LRRC7: variants seen among roughly 807,000 people sequenced by gnomAD.
LRRC7 encodes leucine-rich repeat-containing protein 7.
LRRC7 carries 23 observed loss-of-function variants against 175.7 expected under a neutral mutation model. The ratio of observed to expected loss-of-function variants is 0.13; its 90% CI spans 0.09 to 0.19. The LOEUF (loss-of-function observed/expected upper bound fraction) is 0.19. Among genes scored for constraint, LRRC7 ranks in the 10% least tolerant of loss-of-function variants. The probability of loss-of-function intolerance (pLI) is 1.00; values close to 1 mark genes in which losing one functional copy is unlikely to be tolerated. For missense variants in LRRC7, 1,354 were observed against 1,904.7 expected (o/e 0.71, Z 5.38); for synonymous variants, 685 against 680.9 (o/e 1.01, Z -0.09).
intron 7 of LRRC7, among the ~76,000 whole-genome samples, chr1:69,916,934 A>G (rs542646256): frequency 4.6e-5 from 7 of 152,276 alleles, no homozygotes; most frequent in Admixed American, 4.6e-4. Flanking sequence ...TTGGTGGAAA[A>G]TGGACTAACT....
intron 5 of LRRC7, among the ~76,000 whole-genome samples, chr1:69,832,808 C>T (rs1358970749): frequency 6.6e-6 from 1 of 151,904 alleles, no homozygotes; most frequent in Non-Finnish European, 1.5e-5. Context: ...AAATGAAAAA[C>T]TAGAAACAAC....
intron 7 of LRRC7, among the ~76,000 whole-genome samples, chr1:69,889,105 T>G (rs2101637699): frequency 6.6e-6 from 1 of 152,344 alleles, no homozygotes; most frequent in Non-Finnish European, 1.5e-5. Context: ...TTGCTAAAAA[T>G]TCTAACAATC....
intron 7 of LRRC7, among the ~76,000 whole-genome samples, chr1:69,839,596 G>GT (rs1681501440): frequency 6.6e-6 from 1 of 152,080 alleles, no homozygotes; most frequent in African/African-American, 2.4e-5. Flanking sequence ...CACATTTAAA[G>GT]TAAGTGGAAA....
intron 1 of LRRC7, among the ~76,000 whole-genome samples, chr1:69,648,153 C>A (rs186044957): frequency 6.6e-6 from 1 of 151,950 alleles, no homozygotes; most frequent in Non-Finnish European, 1.5e-5. Flanking sequence ...CTTCATGGAA[C>A]GTAACCTTTA....
chr1:69,713,958 T>C (rs1029057282), intron 2 of LRRC7, among the ~76,000 whole-genome samples: 20 of 152,116 alleles, frequency 1.3e-4, no homozygotes, highest in Admixed American at 5.2e-4. Context: ...CTTCTCTCTC[T>C]TCTTATTCTG....
At chr1:69,674,480 T>C (rs1659519093) in intron 1 of LRRC7, among the ~76,000 whole-genome samples, 1 of 152,146 alleles carries the variant, frequency 6.6e-6, no homozygotes, top group South Asian at 2.1e-4. Context: ...CATGAAGTGA[T>C]AAAGTAAATG....
intron 8 of LRRC7, 84 bp from the exon 9 acceptor site, chr1:69,980,295 A>G: frequency 8.5e-7 from 1 of 1,175,512 alleles, no homozygotes; most frequent in Non-Finnish European, 1.3e-6. Flanking sequence ...CTCAAGATCC[A>G]AGAAATTACA....
At chr1:69,727,456 C>A (rs2100803900) in intron 2 of LRRC7, among the ~76,000 whole-genome samples, 1 of 152,292 alleles carries the variant, frequency 6.6e-6, no homozygotes, top group East Asian at 1.9e-4. Context: ...ATAGCTACTT[C>A]TTTTACTTAT....
intron 3 of LRRC7, among the ~76,000 whole-genome samples, chr1:69,781,679 CAAA>C (rs201837300): frequency 2.8e-5 from 2 of 72,152 alleles, no homozygotes; most frequent in East Asian, 3.0e-4. Flanking sequence ...AAGACTGTCT[CAAA>C]AAAAAGAAGA....
intron 4 of LRRC7, among the ~76,000 whole-genome samples, chr1:69,824,075 G>C (rs980597009): frequency 6.6e-6 from 1 of 152,110 alleles, no homozygotes; most frequent in African/African-American, 2.4e-5. Context: ...AGAAGATAAA[G>C]AGACGTCATC....
intron 22 of LRRC7, among the ~76,000 whole-genome samples, chr1:70,052,171 C>G (rs991762564): frequency 8.6e-6 from 1 of 116,354 alleles, no homozygotes; most frequent in Non-Finnish European, 1.7e-5. Flanking sequence ...AAGAAAGGAG[C>G]CTTTGTGAAA....
rs963388318 is a variant in LRRC7, at chr1:70,129,560, T to C, written c.*7673T>C. Among the ~76,000 whole-genome samples the C allele has an allele frequency of 2.0e-5, 3 of 152,104 alleles. No individual in the cohort carries two copies. The highest frequency in any genetic ancestry group is 7.2e-5 in the African/African-American group (3 of 41,414). On this transcript the variant is annotated 3_prime_UTR_variant, in exon 27 of 27. Coordinates refer to ENST00000651989, the MANE Select transcript of LRRC7 (RefSeq NM_001370785.2). ...GGGGGGTTGCTTGAAAAGAGTCTTC[T>C]AGGTTCAGCGGCCCCAAAAAGTCCC... is the stretch of plus-strand genomic sequence containing the variant.
At chr1:69,931,386 A>ATTTACTT in intron 7 of LRRC7, 121 bp from the exon 8 acceptor site, 2 of 692,310 alleles carry the variant, frequency 2.9e-6, no homozygotes. Flanking sequence ...GTTGCTGAAG[A>ATTTACTT]GTACCCCCAG....
At chr1:69,733,333 C>T (rs1667782238) in intron 2 of LRRC7, among the ~76,000 whole-genome samples, 1 of 151,950 alleles carries the variant, frequency 6.6e-6, no homozygotes, top group East Asian at 1.9e-4. Context: ...TCTCTGTGAA[C>T]ATGACTTTCT....
intron 3 of LRRC7, among the ~76,000 whole-genome samples, chr1:69,768,001 G>A (rs1005716746): frequency 1.3e-5 from 2 of 152,050 alleles, no homozygotes; most frequent in African/African-American, 4.8e-5. Flanking sequence ...ACAGCTGTAT[G>A]GTGCTCACTA....
chr1:69,878,055 G>A (rs1686204064), intron 7 of LRRC7, among the ~76,000 whole-genome samples: 1 of 152,112 alleles, frequency 6.6e-6, no homozygotes, highest in Non-Finnish European at 1.5e-5. Context: ...GTGCAGTTAT[G>A]TGAAAGTAGA....
At chr1:69,663,548 A>G (rs1432774371) in intron 1 of LRRC7, among the ~76,000 whole-genome samples, 1 of 152,036 alleles carries the variant, frequency 6.6e-6, no homozygotes, top group Non-Finnish European at 1.5e-5. Flanking sequence ...ACTCTATTGT[A>G]CTAGCAAATA....
rs146134636 is a variant in LRRC7 at position 69,753,418 on chromosome 1, A to G, written c.101-6773A>G. ...GGTAATGCAGAGTCGGCTAACAGGAAAATCAATGGCTTTAGGGCACAGATA... is the reference window on the plus strand; with the variant it reads ...GGTAATGCAGAGTCGGCTAACAGGAGAATCAATGGCTTTAGGGCACAGATA... On this transcript the variant is annotated intron_variant, in intron 2 of 26. Coordinates refer to ENST00000651989, the MANE Select transcript of LRRC7 (RefSeq NM_001370785.2). Among the ~76,000 whole-genome samples, 106 of 152,028 alleles carry G rather than the reference A, an allele frequency of 7.0e-4. 1 individual carries two copies. Among genetic ancestry groups the G allele is most frequent in the Middle Eastern group, 3.4e-3 (1 of 294 alleles).
rs574639431 is a variant in LRRC7, at chr1:69,733,961, A to C, written c.101-26230A>C. Among the ~76,000 whole-genome samples the C allele has an allele frequency of 2.0e-5, 3 of 152,138 alleles. No homozygotes were observed. In the East Asian group the frequency reaches 5.8e-4, roughly 29 times the overall value. ...ATCCTATTGTAGTTTTTAGGTTACT[A>C]TAAATAGGAGTTTGAGTTGATGAGG... is the stretch of plus-strand genomic sequence containing the variant. On this transcript the variant is annotated intron_variant, in intron 2 of 26. Coordinates refer to ENST00000651989, the MANE Select transcript of LRRC7 (RefSeq NM_001370785.2).
Sources: gnomAD v4.1 joint callset for allele counts (sites outside exome capture counted in the v4.1 genomes callset) on GRCh38, gnomAD v4.1.1 for gene constraint, MANE v1.5 for transcripts, NCBI Gene and HGNC (gene_info 2026-07-23, HGNC 2026-07-21) for gene names.